Variants in VSTM2A observed in about 807,000 individuals in gnomAD.
The protein encoded by VSTM2A is V-set and transmembrane domain containing 2A, also known as V-set and transmembrane domain-containing protein 2A.
VSTM2A carries 13 observed loss-of-function variants against 27.3 expected under a neutral mutation model. That is an observed-to-expected ratio of 0.48 (90% CI 0.31 to 0.76). VSTM2A has a LOEUF of 0.76. VSTM2A is among the 30% of genes least tolerant of loss of function. The pLI, the probability that VSTM2A is intolerant of heterozygous loss-of-function variation, is 0.05. For missense variants in VSTM2A, 280 were observed against 310.0 expected, an observed-to-expected ratio of 0.90 and a Z score of 0.73; for synonymous variants, 142 against 125.7, an observed-to-expected ratio of 1.13 and a Z score of -0.87.
At chr7:54,544,346 T>C (rs1787873686) in intron 1 of VSTM2A, among the ~76,000 whole-genome samples, 1 of 152,238 alleles carries the variant, frequency 6.6e-6, no homozygotes, top group African/African-American at 2.4e-5. Flanking sequence ...GGTATTTGGA[T>C]CTACCTGCGG....
intron 4 of VSTM2A, chr7:54,550,552 C>A: frequency 3.3e-6 from 1 of 303,190 alleles, no homozygotes. Flanking sequence ...TTCACTTAAT[C>A]AAAATGTAAA....
rs2115960532 is a variant in VSTM2A at position 54,569,223 on chromosome 7, A to G, written c.*4A>G. On this transcript the variant is annotated 3_prime_UTR_variant, in exon 5 of 5. Coordinates refer to ENST00000402613, the MANE Select transcript of VSTM2A (RefSeq NM_001301009.2). ...CCCTGCACCCACTGTACTCTAATTC[A>G]CTACACAAGGAGCGCCTGCTTCCGG... 1 of 1,551,554 alleles carries G rather than the reference A, an allele frequency of 6.4e-7. No homozygotes were observed. Among genetic ancestry groups the G allele is most frequent in the Admixed American group, 2.0e-5 (1 of 50,990 alleles).
chr7:54,553,814 AATACCCCAAT>A, intron 4 of VSTM2A: 1 of 1,548,040 alleles, frequency 6.5e-7, no homozygotes. Context: ...CATGCCCCCA[AATACCCCAAT>A]ATACTAAGTC....
chr7:54,556,409 C>G (rs1033120762), intron 4 of VSTM2A, among the ~76,000 whole-genome samples: 4 of 152,134 alleles, frequency 2.6e-5, no homozygotes, highest in African/African-American at 9.7e-5. Flanking sequence ...GATCTTAACA[C>G]AGGATGTCAA....
intron 4 of VSTM2A, among the ~76,000 whole-genome samples, chr7:54,561,876 C>T: frequency 6.6e-6 from 1 of 152,098 alleles, no homozygotes. Context: ...ATTCCTTCCT[C>T]AAAGTCAGAC....
At chr7:54,560,521 A>G (rs946725378) in intron 4 of VSTM2A, among the ~76,000 whole-genome samples, 1 of 152,290 alleles carries the variant, frequency 6.6e-6, no homozygotes, top group East Asian at 1.9e-4. Flanking sequence ...GTGAGGAGCA[A>G]TGCATTGTCA....
chr7:54,550,311 G>A, intron 4 of VSTM2A, 141 bp downstream of exon 4: 2 of 1,481,324 alleles, frequency 1.4e-6, no homozygotes, highest in Non-Finnish European at 9.0e-7. Flanking sequence ...TATGAGAGGT[G>A]AGCACCGAGC....
chr7:54,567,828 G>A (rs921009209), intron 4 of VSTM2A, among the ~76,000 whole-genome samples: 25 of 151,628 alleles, frequency 1.6e-4, no homozygotes, highest in Admixed American at 5.9e-4. Flanking sequence ...ATGAGAATAC[G>A]TGTTTAATTT....
At chr7:54,564,691 T>C (rs4947918) in intron 4 of VSTM2A, among the ~76,000 whole-genome samples, 7,107 of 152,228 alleles carry the variant, frequency 0.047, 425 homozygotes, top group African/African-American at 0.13. Context: ...CCCATCAATG[T>C]AAACTTTCCT....
chr7:54,542,514 C>T lies in VSTM2A; in HGVS notation c.-217C>T, dbSNP rs1439210679. The T allele has an allele frequency of 1.8e-6, 1 of 561,890 alleles. No homozygotes were observed. The allele number at this position is 561,890 out of a possible 1,614,324, so 34.8% of individuals were successfully genotyped here. A position where few individuals can be genotyped will look rare whatever the true frequency, so the allele number is the denominator to read the frequency against. Reference sequence around the variant, plus strand: ...CACTTCCCAGCGATTCCAGCCTGGGCTCCGCAGGAAGCCTCGCTGAATCCC... The same window carrying T: ...CACTTCCCAGCGATTCCAGCCTGGGTTCCGCAGGAAGCCTCGCTGAATCCC... On this transcript the variant is annotated 5_prime_UTR_variant, in exon 1 of 5. Coordinates refer to ENST00000402613, the MANE Select transcript of VSTM2A (RefSeq NM_001301009.2).
At position 54,570,046 on chromosome 7, in the gene VSTM2A, G is replaced by T. The variant is rs1788844156; in HGVS notation, c.*827G>T. 1 of 152,082 alleles carries T rather than the reference G, an allele frequency of 6.6e-6. No individual in the cohort carries two copies. The highest frequency in any genetic ancestry group is 1.5e-5 in the Non-Finnish European group (1 of 68,022). The allele number at this position is 152,082 out of a possible 1,614,324, so 9.4% of individuals were successfully genotyped here. On this transcript the variant is annotated 3_prime_UTR_variant, in exon 5 of 5. Coordinates refer to ENST00000402613, the MANE Select transcript of VSTM2A (RefSeq NM_001301009.2). Reference sequence around the variant, plus strand: ...GTAATTCATTGTTTCACTTCCACAGGTTTGACAGCTGCAGATGGTCTCTAT... The same window carrying T: ...GTAATTCATTGTTTCACTTCCACAGTTTTGACAGCTGCAGATGGTCTCTAT...
At chr7:54,564,823 C>T (rs780862498) in intron 4 of VSTM2A, among the ~76,000 whole-genome samples, 1 of 151,446 alleles carries the variant, frequency 6.6e-6, no homozygotes, top group Non-Finnish European at 1.5e-5. Flanking sequence ...TCAGAGGAAC[C>T]TTTGTAAGCT....
intron 4 of VSTM2A, among the ~76,000 whole-genome samples, chr7:54,554,585 A>C (rs1788292568): frequency 1.3e-5 from 2 of 152,078 alleles, no homozygotes; most frequent in African/African-American, 4.8e-5. Context: ...GCCTGTGACC[A>C]CTCTGCCCAA....
rs138858268 is a variant in VSTM2A, at chr7:54,554,007, G to A, written c.634+3837G>A. 1.1e-3 allele frequency: 1,766 copies of A among 1,553,138 alleles called. 21 individuals are homozygous for A. In the African/African-American group the frequency reaches 0.021, roughly 19 times the overall value. ...ACACAGAACTGTGAAGCGGCTTCCT[G>A]CTCCTCTTCCCCAACCTGGCCATGG... On this transcript the variant is annotated intron_variant, in intron 4 of 4. Transcript: ENST00000402613.
chr7:54,569,200 C>T lies in VSTM2A; in HGVS notation c.704C>T (p.Pro235Leu), dbSNP rs1788817397. 6.4e-7 allele frequency: 1 copy of T among 1,551,682 alleles called. No homozygotes were observed. The highest frequency in any genetic ancestry group is 8.7e-7 in the Non-Finnish European group (1 of 1,146,962). ...AKLTLNSKHH[P>L]APTVL is the part of the protein sequence containing the mutation. ...TTGACCCTAAACTCCAAGCACCACC[C>T]TGCACCCACTGTACTCTAATTCACT... Residue 235 changes from proline to leucine, a missense_variant, in exon 5 of 5, where the codon CCT becomes CTT. Coordinates refer to ENST00000402613, the MANE Select transcript of VSTM2A (RefSeq NM_001301009.2).
Position 54,569,405 on chromosome 7 carries a change from CACTG to C in VSTM2A, c.*191_*194del. 1 of 1,038,292 alleles carries C rather than the reference CACTG, an allele frequency of 9.6e-7. No individual in the cohort carries two copies. The highest frequency in any genetic ancestry group is 2.7e-5 in the East Asian group (1 of 37,522). 64.3% of individuals were successfully genotyped at this position (1,038,292 alleles called of 1,614,324 possible). ...TTTCTTTCGGCGACTAAAATCATCT[CACTG>C]ACTGCTCAAGGGTTGGCCTGAATGT... On this transcript the variant is annotated 3_prime_UTR_variant, in exon 5 of 5. Coordinates refer to ENST00000402613, the MANE Select transcript of VSTM2A (RefSeq NM_001301009.2).
chr7:54,565,087 C>A (rs1381784066), intron 4 of VSTM2A, among the ~76,000 whole-genome samples: 1 of 16,666 alleles, frequency 6.0e-5, no homozygotes, highest in Non-Finnish European at 3.4e-4. Flanking sequence ...CAAATGATAG[C>A]TGCACATCTC....
intron 1 of VSTM2A, 58 bp downstream of exon 1, chr7:54,542,867 C>G (rs777140174): frequency 1.3e-5 from 19 of 1,505,994 alleles, no homozygotes; most frequent in Non-Finnish European, 1.7e-5. Context: ...GTTTCCTACA[C>G]TCAAAAAGAA....
intron 3 of VSTM2A, among the ~76,000 whole-genome samples, chr7:54,547,926 A>C (rs534405396): frequency 5.8e-4 from 88 of 152,306 alleles, no homozygotes; most frequent in Middle Eastern, 3.4e-3. Flanking sequence ...CTAAATGTGT[A>C]ATCTCAACAT....
Sources: allele counts gnomAD v4.1 joint callset (sites outside exome capture counted in the v4.1 genomes callset), GRCh38; gene constraint gnomAD v4.1.1; transcripts MANE v1.5; gene names NCBI Gene and HGNC (gene_info 2026-07-23, HGNC 2026-07-21).